The following USP47 variants were observed in gnomAD, a reference collection of about 807,000 sequenced individuals.
USP47 encodes ubiquitin specific peptidase 47.
A neutral mutation model predicts 165.1 loss-of-function variants in USP47; 35 were observed. That is an observed-to-expected ratio of 0.21 (90% confidence interval 0.16 to 0.28). The LOEUF is 0.28. Among genes scored for constraint, USP47 ranks in the 10% least tolerant of loss-of-function variants. USP47 has a pLI of 1.00. For missense variants in USP47, 1,277 were observed against 1,607.4 expected, an observed-to-expected ratio of 0.79 and a Z score of 3.52; for synonymous variants, 531 against 544.5, an observed-to-expected ratio of 0.98 and a Z score of 0.35.
chr11:11,884,520 A>G lies in USP47; in HGVS notation c.297A>G (p.Pro99=), dbSNP rs1851031548. The G allele has an allele frequency of 6.2e-7, 1 of 1,612,248 alleles. No individual in the cohort carries two copies. Among genetic ancestry groups the G allele is most frequent in the Non-Finnish European group, 8.5e-7 (1 of 1,179,398 alleles). The change falls in exon 3 of 28, where the codon CCA becomes CCG. Residue 99 remains proline, a synonymous_variant. Transcript: ENST00000527733. The stretch of plus-strand genomic sequence containing the variant: ...CACTTCTCGACGCTAATTTTGAGCC[A>G]GGAAAGAAGAACTTTCTGCATTTGA... ...DKSLLDANFE[P]GKKNFLHLTD... is the part of the protein sequence containing the mutation.
intron 3 of USP47, among the ~76,000 whole-genome samples, chr11:11,887,762 A>G (rs1200065386): frequency 2.0e-5 from 3 of 152,184 alleles, no homozygotes; most frequent in Non-Finnish European, 4.4e-5. Flanking sequence ...CCCCACAACA[A>G]CAGAATATAC....
At chr11:11,884,604 A>G (rs543424647) in intron 3 of USP47, 24 bp downstream of exon 3, 323 of 1,561,432 alleles carry the variant, frequency 2.1e-4, no homozygotes, top group Non-Finnish European at 2.5e-4. Context: ...AAAGCCCCAT[A>G]TTTATAATTT....
At chr11:11,890,249 T>G (rs1851427514) in intron 3 of USP47, among the ~76,000 whole-genome samples, 1 of 152,038 alleles carries the variant, frequency 6.6e-6, no homozygotes, top group Non-Finnish European at 1.5e-5. Context: ...GAAACTATCA[T>G]CAGAATGACC....
chr11:11,889,124 C>T (rs960266299), intron 3 of USP47, among the ~76,000 whole-genome samples: 1 of 152,062 alleles, frequency 6.6e-6, no homozygotes, highest in Non-Finnish European at 1.5e-5. Context: ...GGAAGCATTC[C>T]CCTTGAAAAC....
intron 1 of USP47, among the ~76,000 whole-genome samples, chr11:11,846,095 G>C (rs963569471): frequency 6.6e-6 from 1 of 152,156 alleles, no homozygotes; most frequent in Non-Finnish European, 1.5e-5. Context: ...AGAGCAAAGA[G>C]AGTGGTATCT....
Position 11,897,426 on chromosome 11 carries a change from A to G in USP47, c.497-171A>G, listed in dbSNP as rs550534422. On this transcript the variant is annotated intron_variant, in intron 4 of 27. Coordinates refer to ENST00000527733, the MANE Select transcript of USP47 (RefSeq NM_001282659.2). ...CTACAAAACAAAGCTTACTTAGAGCACATATTAGAAAAGGGATCTTTTCTT... is the reference window on the plus strand; with the variant it reads ...CTACAAAACAAAGCTTACTTAGAGCGCATATTAGAAAAGGGATCTTTTCTT... Among the ~76,000 whole-genome samples the G allele has an allele frequency of 4.9e-4, 75 of 152,228 alleles. 2 individuals are homozygous for G. The highest frequency in any genetic ancestry group is 4.1e-3 in the South Asian group (20 of 4,828).
chr11:11,850,218 C>T (rs1848647860), intron 1 of USP47, among the ~76,000 whole-genome samples: 1 of 151,602 alleles, frequency 6.6e-6, no homozygotes, highest in African/African-American at 2.4e-5. Context: ...TCTCCTCTCT[C>T]TTTTGAATTC....
Position 11,950,439 on chromosome 11 carries a change from T to C in USP47, c.3540T>C (p.Ile1180=), listed in dbSNP as rs752182659. 1.2e-6 allele frequency: 2 copies of C among 1,606,616 alleles called. No homozygotes were observed. The highest frequency in any genetic ancestry group is 3.4e-5 in the Admixed American group (2 of 58,770). Residue 1180 remains isoleucine (I), a synonymous_variant, in exon 24 of 28, where the codon ATT becomes ATC. Coordinates refer to ENST00000527733, the MANE Select transcript of USP47 (RefSeq NM_001282659.2). The part of the protein sequence containing the change: ...FLDYHIYEED[I]NISSNWEVFL... ...ATTATCATATTTATGAAGAAGATAT[T>C]AATATTTCCAGCAACTGGGAGGTTT...
rs759048866 is a variant in USP47 at position 11,929,526 on chromosome 11, T to A, written c.1479T>A (p.Asp493Glu). 1 of 1,613,212 alleles carries A rather than the reference T, an allele frequency of 6.2e-7. No homozygotes were observed. Among genetic ancestry groups the A allele is most frequent in the Admixed American group, 1.7e-5 (1 of 59,984 alleles). Residue 493 changes from aspartate to glutamate, a missense_variant, in exon 12 of 28, where the codon GAT becomes GAA. Asp to Glu is a conservative substitution (Grantham distance 45). This residue lies in a region of USP47 where 909 missense variants were observed against 1,068.1 expected (regional missense o/e 0.85). Transcript: ENST00000527733. ...HYYACIKSFS[D>E]EQWYSFNDQH... ...ATGCATGTATAAAGTCATTCAGTGA[T>A]GAGCAGTGGTACAGCTTCAATGATC...
chr11:11,942,257 T>A (rs137940284), intron 19 of USP47, 78 bp from the exon 20 acceptor site: 45 of 1,415,992 alleles, frequency 3.2e-5, no homozygotes, highest in Admixed American at 1.6e-4. Flanking sequence ...TTGTGTTGTA[T>A]TGATGCAATA....
At chr11:11,947,846 C>T in intron 20 of USP47, 99 bp from the exon 21 acceptor site, 2 of 1,262,826 alleles carry the variant, frequency 1.6e-6, no homozygotes, top group South Asian at 3.1e-5. Flanking sequence ...GTACTCTTTA[C>T]TGCATACAGT....
At chr11:11,857,864 C>G (rs192340456) in intron 1 of USP47, among the ~76,000 whole-genome samples, 1 of 152,278 alleles carries the variant, frequency 6.6e-6, no homozygotes, top group East Asian at 1.9e-4. Flanking sequence ...AGACTGATTA[C>G]GGGCCAAATC....
At chr11:11,899,744 G>T (rs936665639) in intron 5 of USP47, among the ~76,000 whole-genome samples, 2 of 152,130 alleles carry the variant, frequency 1.3e-5, no homozygotes, top group Non-Finnish European at 2.9e-5. Flanking sequence ...GACAATCCTG[G>T]TGAGTAAGGA....
intron 2 of USP47, among the ~76,000 whole-genome samples, chr11:11,880,883 G>A (rs77385274): frequency 0.024 from 3,626 of 151,976 alleles, 49 homozygotes; most frequent in Non-Finnish European, 0.036. Flanking sequence ...CAACTTTTTT[G>A]TATGTTTATT....
In USP47 at chr11:11,958,379, T is replaced by A. The variant is rs1847303832; in HGVS notation, c.*2204T>A. The stretch of plus-strand genomic sequence containing the variant: ...AAATTAAAAGCTTCTTGCTTTTCAG[T>A]GCCTGATAGAGTGAAAACACAAAGT... On this transcript the variant is annotated 3_prime_UTR_variant, in exon 28 of 28. Transcript: ENST00000527733. The A allele has an allele frequency of 6.6e-6, 1 of 152,248 alleles. No homozygotes were observed. Among genetic ancestry groups the A allele is most frequent in the Non-Finnish European group, 1.5e-5 (1 of 68,046 alleles). 9.4% of individuals were successfully genotyped at this position (152,248 alleles called of 1,614,324 possible).
At chr11:11,914,343 C>A (rs535742554) in intron 8 of USP47, among the ~76,000 whole-genome samples, 1 of 152,164 alleles carries the variant, frequency 6.6e-6, no homozygotes, top group African/African-American at 2.4e-5. Flanking sequence ...AACAACTGGA[C>A]ATCCATATCA....
chr11:11,883,869 A>G (rs899026069), intron 2 of USP47, among the ~76,000 whole-genome samples: 1 of 152,152 alleles, frequency 6.6e-6, no homozygotes, highest in South Asian at 2.1e-4. Flanking sequence ...GGTCCTCTGA[A>G]TCCTAGTGGT....
In USP47 at chr11:11,896,063, G is replaced by A. The variant is rs73413209; in HGVS notation, c.497-1534G>A. 5.1e-3 allele frequency among the ~76,000 whole-genome samples: 780 copies of A among 152,202 alleles called. 6 individuals are homozygous for A. Among genetic ancestry groups the A allele is most frequent in the African/African-American group, 0.018 (740 of 41,528 alleles). The stretch of plus-strand genomic sequence containing the variant: ...CACTTTTAATAGTGTCACCAAAATC[G>A]TCATACTTTTGGAAAATAGTACATT... On this transcript the variant is annotated intron_variant, in intron 4 of 27. Transcript: ENST00000527733.
intron 11 of USP47, among the ~76,000 whole-genome samples, chr11:11,924,216 A>C (rs767903621): frequency 6.6e-6 from 1 of 151,806 alleles, no homozygotes; most frequent in Non-Finnish European, 1.5e-5. Context: ...TTTTTTTTCT[A>C]TGTCAGTTGA....
Sources: gnomAD v4.1 joint callset for allele counts (sites outside exome capture counted in the v4.1 genomes callset) on GRCh38, gnomAD v4.1.1 for gene constraint, gnomAD v4.1.1 regional missense constraint, MANE v1.5 for transcripts, NCBI Gene and HGNC (gene_info 2026-07-23, HGNC 2026-07-21) for gene names.